The following TSPAN2 variants were observed in gnomAD, a reference collection of about 807,000 sequenced individuals.
TSPAN2 encodes tetraspanin-2.
TSPAN2 carries 24 observed loss-of-function variants against 33.3 expected under a neutral mutation model. That is an observed-to-expected ratio of 0.72 (90% CI 0.52 to 1.01). The LOEUF (loss-of-function observed/expected upper bound fraction) is 1.01. Among genes scored for constraint, TSPAN2 ranks in the 50% least tolerant of loss-of-function variants. The probability of loss-of-function intolerance (pLI) is 0.00; values close to 1 mark genes in which losing one functional copy is unlikely to be tolerated. For synonymous variants in TSPAN2, 114 were observed against 104.5 expected (o/e 1.09, Z -0.56); for missense variants, 278 against 281.3 (o/e 0.99, Z 0.08).
chr1:115,052,683 A>G (rs1647224677), intron 7 of TSPAN2, among the ~76,000 whole-genome samples: 1 of 152,156 alleles, frequency 6.6e-6, no homozygotes, highest in African/African-American at 2.4e-5. Context: ...GTACAGAGCC[A>G]CCTGGTGGTG....
intron 4 of TSPAN2, among the ~76,000 whole-genome samples, chr1:115,059,722 T>G (rs1031445662): frequency 1.3e-5 from 2 of 152,248 alleles, no homozygotes; most frequent in African/African-American, 4.8e-5. Flanking sequence ...TACTTCTGTA[T>G]GTAGCTGAAT....
intron 1 of TSPAN2, among the ~76,000 whole-genome samples, chr1:115,083,218 C>T (rs11102886): frequency 0.21 from 32,505 of 151,958 alleles, 3,687 homozygotes; most frequent in East Asian, 0.39. Context: ...AGCAGCTTCG[C>T]GATATTAACT....
At chr1:115,056,964 C>A (rs559334466) in intron 6 of TSPAN2, among the ~76,000 whole-genome samples, 1 of 152,246 alleles carries the variant, frequency 6.6e-6, no homozygotes, top group African/African-American at 2.4e-5. Flanking sequence ...TTTGCCCACC[C>A]TTAAATTGTC....
intron 2 of TSPAN2, among the ~76,000 whole-genome samples, chr1:115,071,939 G>A (rs1648192312): frequency 6.6e-6 from 1 of 152,180 alleles, no homozygotes; most frequent in African/African-American, 2.4e-5. Context: ...GTGATTTAGA[G>A]CAAATGACCT....
intron 2 of TSPAN2, among the ~76,000 whole-genome samples, chr1:115,063,988 G>GTA (rs1647839134): frequency 6.6e-6 from 1 of 151,910 alleles, no homozygotes; most frequent in African/African-American, 2.4e-5. Flanking sequence ...CCCAATCTCG[G>GTA]CATCACTCAA....
chr1:115,081,249 A>G (rs1648613114), intron 1 of TSPAN2, among the ~76,000 whole-genome samples: 1 of 152,132 alleles, frequency 6.6e-6, no homozygotes, highest in South Asian at 2.1e-4. Context: ...CATTCACAGA[A>G]GGCTAGATAG....
intron 6 of TSPAN2, among the ~76,000 whole-genome samples, chr1:115,056,974 C>T (rs1647454388): frequency 6.6e-6 from 1 of 152,110 alleles, no homozygotes; most frequent in Non-Finnish European, 1.5e-5. Flanking sequence ...CTTAAATTGT[C>T]CCCCAAGGAT....
intron 1 of TSPAN2, among the ~76,000 whole-genome samples, chr1:115,083,134 T>C (rs1648692369): frequency 6.6e-6 from 1 of 152,228 alleles, no homozygotes; most frequent in South Asian, 2.1e-4. Flanking sequence ...GCTGGCAGCA[T>C]TCTCTCTTTA....
intron 1 of TSPAN2, among the ~76,000 whole-genome samples, chr1:115,082,074 C>T (rs1055289147): frequency 2.0e-5 from 3 of 152,236 alleles, no homozygotes; most frequent in African/African-American, 7.2e-5. Context: ...GAAGACCTTT[C>T]TCCAATGATG....
intron 5 of TSPAN2, 145 bp from the exon 6 acceptor site, chr1:115,057,753 G>A (rs1450688012): frequency 4.2e-6 from 3 of 715,886 alleles, no homozygotes; most frequent in South Asian, 1.6e-5. Context: ...TTTCTGGAAG[G>A]AGAGTGAAGA....
At chr1:115,087,783 T>C (rs1029440703) in intron 1 of TSPAN2, among the ~76,000 whole-genome samples, 1 of 152,142 alleles carries the variant, frequency 6.6e-6, no homozygotes, top group Non-Finnish European at 1.5e-5. Flanking sequence ...GAGGATTATG[T>C]GTAATAATGA....
At chr1:115,058,820 A>G in intron 5 of TSPAN2, 63 bp downstream of exon 5, 1 of 1,327,966 alleles carries the variant, frequency 7.5e-7, no homozygotes. Context: ...GTGATTGGTG[A>G]GAACCTGGCT....
intron 1 of TSPAN2, among the ~76,000 whole-genome samples, chr1:115,083,388 A>T (rs1165539845): frequency 6.6e-6 from 1 of 152,214 alleles, no homozygotes; most frequent in Non-Finnish European, 1.5e-5. Flanking sequence ...TATTAGCGTA[A>T]AAAAGAGACT....
At chr1:115,088,098 T>C (rs1399993811) in intron 1 of TSPAN2, among the ~76,000 whole-genome samples, 1 of 152,176 alleles carries the variant, frequency 6.6e-6, no homozygotes, top group East Asian at 1.9e-4. Flanking sequence ...AATCCCCACG[T>C]GTACAAAGGC....
intron 2 of TSPAN2, among the ~76,000 whole-genome samples, chr1:115,070,264 A>T (rs1200035786): frequency 6.6e-6 from 1 of 152,158 alleles, no homozygotes; most frequent in East Asian, 1.9e-4. Flanking sequence ...AGGCAGGCTT[A>T]AAAATGTTTA....
At position 115,073,039 on chromosome 1, in the gene TSPAN2, G is replaced by T. The variant is rs770762774; in HGVS notation, c.70-32C>A. The stretch of plus-strand genomic sequence containing the variant: ...GGCAAACGACACTGTGTTTACAGTG[G>T]AAGGGGAAAGAGCATGCACAGATCC... On this transcript the variant is annotated intron_variant, in intron 1 of 7. Transcript: ENST00000369516. 7 of 1,567,424 alleles carry T rather than the reference G, an allele frequency of 4.5e-6. No homozygotes were observed. The Admixed American group carries it at 8.3e-5, about 19-fold the overall frequency.
chr1:115,059,328 A>G (rs569478776), intron 4 of TSPAN2, among the ~76,000 whole-genome samples: 1 of 152,354 alleles, frequency 6.6e-6, no homozygotes, highest in South Asian at 2.1e-4. Context: ...TAATTCAGCA[A>G]CATATGGAGA....
At chr1:115,082,911 T>C (rs931111926) in intron 1 of TSPAN2, among the ~76,000 whole-genome samples, 1 of 152,242 alleles carries the variant, frequency 6.6e-6, no homozygotes, top group Admixed American at 6.5e-5. Flanking sequence ...CTTTCAGCTT[T>C]CACAACTGTA....
intron 7 of TSPAN2, 127 bp downstream of exon 7, chr1:115,053,250 TTG>T: frequency 1.3e-6 from 1 of 744,264 alleles, no homozygotes; most frequent in South Asian, 1.6e-5. Context: ...ATGTAATACA[TTG>T]TGAACAAAGG....
Sources: allele counts gnomAD v4.1 joint callset (sites outside exome capture counted in the v4.1 genomes callset), GRCh38; gene constraint gnomAD v4.1.1; transcripts MANE v1.5; gene names NCBI Gene and HGNC (gene_info 2026-07-23, HGNC 2026-07-21).